SMYD3: variants seen among roughly 807,000 people sequenced by gnomAD.
The protein encoded by SMYD3 is histone-lysine N-methyltransferase SMYD3.
Under a neutral mutation model 57.7 loss-of-function variants are expected in SMYD3, and 36 were observed. The ratio of observed to expected loss-of-function variants is 0.62; its 90% confidence interval spans 0.48 to 0.82. The LOEUF (loss-of-function observed/expected upper bound fraction) is 0.82. Ranked by LOEUF, SMYD3 falls within the 40% of genes least tolerant of loss-of-function variation. The pLI is 0.00. For missense variants in SMYD3, 515 were observed against 538.8 expected (o/e 0.96, Z 0.44); for synonymous variants, 211 against 195.0 (o/e 1.08, Z -0.68).
intron 1 of SMYD3, among the ~76,000 whole-genome samples, chr1:246,365,897 C>T (rs1450958038): frequency 6.6e-6 from 1 of 152,118 alleles, no homozygotes; most frequent in Non-Finnish European, 1.5e-5. Context: ...CTTTAGCAAA[C>T]CTCTTTAAGA....
At chr1:246,163,384 T>C (rs540016290) in intron 5 of SMYD3, among the ~76,000 whole-genome samples, 7 of 152,228 alleles carry the variant, frequency 4.6e-5, no homozygotes, top group South Asian at 2.1e-4. Context: ...TAGCAAGAGA[T>C]TGTATTGCTC....
intron 8 of SMYD3, among the ~76,000 whole-genome samples, chr1:245,902,779 G>A (rs77532402): frequency 6.6e-6 from 1 of 152,302 alleles, no homozygotes; most frequent in African/African-American, 2.4e-5. Context: ...GAAGACCACA[G>A]TACTGTTCCT....
intron 5 of SMYD3, among the ~76,000 whole-genome samples, chr1:246,243,486 A>T (rs1021900025): frequency 2.0e-5 from 3 of 149,746 alleles, no homozygotes; most frequent in Non-Finnish European, 4.4e-5. Flanking sequence ...GACTATTTCC[A>T]CCCCTCTATC....
intron 9 of SMYD3, among the ~76,000 whole-genome samples, chr1:245,863,057 G>A (rs1422634106): frequency 6.6e-6 from 1 of 152,174 alleles, no homozygotes; most frequent in East Asian, 1.9e-4. Flanking sequence ...TAGTGCCTGG[G>A]ATATAAATTT....
intron 5 of SMYD3, among the ~76,000 whole-genome samples, chr1:246,254,620 C>T (rs2063851082): frequency 6.6e-6 from 1 of 152,126 alleles, no homozygotes; most frequent in Non-Finnish European, 1.5e-5. Context: ...GCTACTTGGA[C>T]TCTTTTTTGG....
intron 5 of SMYD3, among the ~76,000 whole-genome samples, chr1:246,056,740 T>G (rs2060158588): frequency 6.6e-6 from 1 of 151,228 alleles, no homozygotes. Context: ...GAAATATCAC[T>G]CTGTAGCCCA....
At chr1:246,311,665 G>A (rs752202496) in intron 5 of SMYD3, among the ~76,000 whole-genome samples, 6 of 152,062 alleles carry the variant, frequency 3.9e-5, no homozygotes, top group African/African-American at 9.7e-5. Context: ...GCGCACGCGC[G>A]CACACACACG....
At chr1:245,851,352 A>C (rs960879862) in intron 10 of SMYD3, among the ~76,000 whole-genome samples, 1 of 152,202 alleles carries the variant, frequency 6.6e-6, no homozygotes, top group African/African-American at 2.4e-5. Flanking sequence ...AGGATGAGTA[A>C]AAGTGCCTGA....
chr1:246,456,657 A>G (rs1014227375), intron 1 of SMYD3, among the ~76,000 whole-genome samples: 1 of 152,194 alleles, frequency 6.6e-6, no homozygotes, highest in Non-Finnish European at 1.5e-5. Flanking sequence ...TTTTCCCCAT[A>G]AGACTGTTTC....
chr1:246,190,236 G>A (rs780945821), intron 5 of SMYD3, among the ~76,000 whole-genome samples: 3 of 152,252 alleles, frequency 2.0e-5, no homozygotes, highest in South Asian at 2.1e-4. Context: ...AAAATGGTGC[G>A]TATAAAGCAC....
chr1:245,841,319 GAGA>G (rs2050389287), intron 10 of SMYD3, among the ~76,000 whole-genome samples: 1 of 152,152 alleles, frequency 6.6e-6, no homozygotes, highest in Non-Finnish European at 1.5e-5. Context: ...AATATAAACA[GAGA>G]AGATTTTACA....
intron 7 of SMYD3, among the ~76,000 whole-genome samples, chr1:245,917,111 C>G (rs756544757): frequency 6.6e-6 from 1 of 151,936 alleles, no homozygotes; most frequent in Non-Finnish European, 1.5e-5. Context: ...CTCACTGCAG[C>G]CTCAACCTCC....
chr1:246,114,485 C>T (rs772250295), intron 5 of SMYD3, among the ~76,000 whole-genome samples: 2 of 152,212 alleles, frequency 1.3e-5, no homozygotes, highest in African/African-American at 2.4e-5. Flanking sequence ...ATACCTTGCT[C>T]TGCATATACC....
chr1:246,166,634 T>C (rs1288417641), intron 5 of SMYD3, among the ~76,000 whole-genome samples: 1 of 152,198 alleles, frequency 6.6e-6, no homozygotes, highest in African/African-American at 2.4e-5. Flanking sequence ...TGTCCACACA[T>C]GTAAAGTGCT....
chr1:246,069,431 A>C (rs963806345), intron 5 of SMYD3, among the ~76,000 whole-genome samples: 2 of 152,178 alleles, frequency 1.3e-5, no homozygotes, highest in African/African-American at 4.8e-5. Flanking sequence ...CAAAAATCTC[A>C]AGAGCAGGCC....
intron 1 of SMYD3, among the ~76,000 whole-genome samples, chr1:246,490,579 C>T (rs955753600): frequency 2.0e-5 from 3 of 152,198 alleles, no homozygotes; most frequent in Non-Finnish European, 4.4e-5. Flanking sequence ...ATTCCACCGA[C>T]CAATCGCTGA....
chr1:245,786,215 G>GT (rs1553321354), intron 10 of SMYD3, among the ~76,000 whole-genome samples: 1 of 147,100 alleles, frequency 6.8e-6, no homozygotes, highest in Non-Finnish European at 1.5e-5. Context: ...GGTGTGGACG[G>GT]GGGGGGGATG....
intron 5 of SMYD3, among the ~76,000 whole-genome samples, chr1:246,055,314 C>T (rs985473576): frequency 7.2e-5 from 11 of 152,106 alleles, no homozygotes; most frequent in African/African-American, 2.2e-4. Context: ...TAAACACGAG[C>T]TGGGTGCAGT....
chr1:246,002,626 G>C (rs71533452), intron 5 of SMYD3, among the ~76,000 whole-genome samples: 60,116 of 61,926 alleles, frequency 0.97, 29,194 homozygotes, highest in East Asian at 0.98. Context: ...CTAATTTTTT[G>C]TATTTTTAGT....
Sources: gnomAD v4.1 joint callset for allele counts (sites outside exome capture counted in the v4.1 genomes callset) on GRCh38, gnomAD v4.1.1 for gene constraint, MANE v1.5 for transcripts, NCBI Gene and HGNC (gene_info 2026-07-23, HGNC 2026-07-21) for gene names.